Variants in HCLS1 observed in about 807,000 individuals in gnomAD.
The protein encoded by HCLS1 is hematopoietic lineage cell-specific protein.
A neutral mutation model predicts 68.6 loss-of-function variants in HCLS1; 44 were observed. That is an observed-to-expected ratio of 0.64 (90% CI 0.50 to 0.82). The LOEUF (loss-of-function observed/expected upper bound fraction) is 0.82, where lower values mean the gene tolerates loss of function less well. Among genes scored for constraint, HCLS1 ranks in the 40% least tolerant of loss-of-function variants. The pLI is 0.00. For missense variants in HCLS1, 602 were observed against 612.1 expected, an observed-to-expected ratio of 0.98 and a Z score of 0.17; for synonymous variants, 217 against 225.8, an observed-to-expected ratio of 0.96 and a Z score of 0.35.
chr3:121,653,637 G>A (rs1937798629), intron 3 of HCLS1: 1 of 152,146 alleles, frequency 6.6e-6, no homozygotes, highest in Non-Finnish European at 1.5e-5. Flanking sequence ...AGCATCATAA[G>A]CCTTTTTACA....
intron 6 of HCLS1, 79 bp downstream of exon 6, chr3:121,642,848 C>T (rs1294535609): frequency 9.1e-7 from 1 of 1,098,316 alleles, no homozygotes; most frequent in Non-Finnish European, 1.4e-6. Flanking sequence ...AAGCTGATGA[C>T]AACTGCTGGA....
At chr3:121,648,042 C>A (rs1404131222) in intron 3 of HCLS1, among the ~76,000 whole-genome samples, 1 of 152,050 alleles carries the variant, frequency 6.6e-6, no homozygotes, top group Non-Finnish European at 1.5e-5. Flanking sequence ...CACTAGTGTA[C>A]TAGGAAGTCA....
rs182970019 is a variant in HCLS1, at chr3:121,652,095, G to T, written c.159-4647C>A. Among the ~76,000 whole-genome samples the T allele has an allele frequency of 2.0e-5, 3 of 152,198 alleles. No homozygotes were observed. The East Asian group carries it at 5.8e-4, about 29-fold the overall frequency. On this transcript the variant is annotated intron_variant, in intron 3 of 13. Transcript: ENST00000314583. ...AAAGACTTATATACACAACACCATG[G>T]ATAAATCTGGAAAACATTATGCTGA...
Position 121,632,702 on chromosome 3 carries a change from G to C in HCLS1, c.1009-139C>G, listed in dbSNP as rs1244725239. On this transcript the variant is annotated intron_variant, in intron 11 of 13. Transcript: ENST00000314583. ...CCTCCATCTAACAGCCTCTCCTGGG[G>C]AACACAGCCTTTCATCCATCTTCAT... 5.8e-6 allele frequency: 4 copies of C among 694,878 alleles called. No individual in the cohort carries two copies. The East Asian group carries it at 8.1e-5, about 14-fold the overall frequency. 43.0% of individuals were successfully genotyped at this position (694,878 alleles called of 1,614,324 possible).
chr3:121,634,152 G>A (rs1222894943), intron 10 of HCLS1, 55 bp downstream of exon 10: 2 of 1,610,558 alleles, frequency 1.2e-6, no homozygotes, highest in Non-Finnish European at 8.5e-7. Flanking sequence ...GACCCCTTAG[G>A]CTCCTGTCTG....
At chr3:121,646,528 T>C (rs1375701325) in intron 4 of HCLS1, among the ~76,000 whole-genome samples, 2 of 108,558 alleles carry the variant, frequency 1.8e-5, no homozygotes, top group African/African-American at 7.6e-5. Flanking sequence ...CTGTTATATA[T>C]AAGTATATAA....
At chr3:121,644,677 A>T (rs1340486048) in intron 5 of HCLS1, 141 bp downstream of exon 5, 1 of 754,730 alleles carries the variant, frequency 1.3e-6, no homozygotes, top group Admixed American at 1.8e-5. Context: ...TGAGGGAGGT[A>T]TCCCTGTGAC....
intron 2 of HCLS1, 24 bp downstream of exon 2, chr3:121,658,240 A>C: frequency 6.3e-7 from 1 of 1,594,506 alleles, no homozygotes; most frequent in South Asian, 1.1e-5. Context: ...TGCACTGTCC[A>C]AGCAAAGCTA....
At chr3:121,655,419 T>A (rs946340428) in intron 3 of HCLS1, 1 of 150,930 alleles carries the variant, frequency 6.6e-6, no homozygotes, top group Non-Finnish European at 1.5e-5. Context: ...AGGGTGGCTA[T>A]TTTTTTTTAA....
At chr3:121,654,693 A>G (rs965609379) in intron 3 of HCLS1, among the ~76,000 whole-genome samples, 4 of 152,342 alleles carry the variant, frequency 2.6e-5, no homozygotes, top group African/African-American at 7.2e-5. Flanking sequence ...AAGAACTGCA[A>G]CCACTTCCTT....
chr3:121,631,740 CCA>C lies in HCLS1; in HGVS notation c.*104_*105del, dbSNP rs1268878648. The C allele has an allele frequency of 7.7e-7, 1 of 1,298,516 alleles. No homozygotes were observed. Among genetic ancestry groups the C allele is most frequent in the Non-Finnish European group, 1.1e-6 (1 of 925,884 alleles). The allele number at this position is 1,298,516 out of a possible 1,614,324, so 80.4% of individuals were successfully genotyped here. A position where few individuals can be genotyped will look rare whatever the true frequency, so the allele number is the denominator to read the frequency against. ...AATGAAGCAGGAGAGGGAAGTCTGTCCAGAACCTCATCTGGTTAGACATTTGC... is the reference window on the plus strand; with the variant it reads ...AATGAAGCAGGAGAGGGAAGTCTGTCGAACCTCATCTGGTTAGACATTTGC... On this transcript the variant is annotated 3_prime_UTR_variant, in exon 14 of 14. Coordinates refer to ENST00000314583, the MANE Select transcript of HCLS1 (RefSeq NM_005335.6).
chr3:121,655,434 T>C, intron 3 of HCLS1: 1 of 151,726 alleles, frequency 6.6e-6, no homozygotes, highest in African/African-American at 2.4e-5. Flanking sequence ...TTTTAAGTTA[T>C]TTCATTTTTT....
At chr3:121,646,082 T>C (rs1192547107) in intron 4 of HCLS1, among the ~76,000 whole-genome samples, 1 of 122,970 alleles carries the variant, frequency 8.1e-6, no homozygotes, top group Non-Finnish European at 1.6e-5. Flanking sequence ...CTTGTATTAA[T>C]ATATAATATA....
intron 11 of HCLS1, 59 bp from the exon 12 acceptor site, chr3:121,632,622 G>A: frequency 2.7e-6 from 4 of 1,486,012 alleles, no homozygotes; most frequent in Non-Finnish European, 3.7e-6. Context: ...ATCAATGGAG[G>A]ACTGATAAGA....
At chr3:121,653,638 C>T (rs373082154) in intron 3 of HCLS1, 12 of 152,160 alleles carry the variant, frequency 7.9e-5, no homozygotes, top group African/African-American at 2.4e-4. Context: ...GCATCATAAG[C>T]CTTTTTACAG....
At chr3:121,649,118 G>A (rs908193405) in intron 3 of HCLS1, among the ~76,000 whole-genome samples, 11 of 152,102 alleles carry the variant, frequency 7.2e-5, no homozygotes, top group Admixed American at 5.9e-4. Flanking sequence ...TCATCTAAAG[G>A]ATAACAGAAA....
chr3:121,636,576 G>A (rs2049153336), intron 7 of HCLS1, 87 bp from the exon 8 acceptor site: 2 of 1,004,102 alleles, frequency 2.0e-6, no homozygotes, highest in Middle Eastern at 2.1e-4. Flanking sequence ...AAACAGGAAT[G>A]TGGAAAACAA....
intron 7 of HCLS1, 108 bp from the exon 8 acceptor site, chr3:121,636,597 A>C: frequency 1.2e-6 from 1 of 854,328 alleles, no homozygotes; most frequent in East Asian, 2.4e-5. Flanking sequence ...ATGTAGGAGG[A>C]AATGTGAGAA....
At position 121,634,319 on chromosome 3, in the gene HCLS1, C is replaced by T. The variant is rs745424007; in HGVS notation, c.791G>A (p.Arg264Lys). Residue 264 changes from arginine to lysine, a missense_variant, in exon 10 of 14, where the codon AGG (arginine) becomes AAG (lysine). Physicochemically the swap from Arg to Lys is conservative, Grantham distance 26. Coordinates refer to ENST00000314583, the MANE Select transcript of HCLS1 (RefSeq NM_005335.6). ...EEEKAQQVAR[R>K]QQERKAVTKR... ...TGTCACAGCCTTTCGCTCCTGTTGC[C>T]TCCTGGCCACCTGCTGTGCCTTCTC... 6.2e-7 allele frequency: 1 copy of T among 1,614,196 alleles called. No homozygotes were observed. Among genetic ancestry groups the T allele is most frequent in the Middle Eastern group, 1.6e-4 (1 of 6,062 alleles).
Sources: allele counts gnomAD v4.1 joint callset (sites outside exome capture counted in the v4.1 genomes callset), GRCh38; gene constraint gnomAD v4.1.1; transcripts MANE v1.5; gene names NCBI Gene and HGNC (gene_info 2026-07-23, HGNC 2026-07-21).